The following KCNK3 variants were observed in gnomAD, a reference collection of about 807,000 sequenced individuals.
KCNK3 encodes potassium two pore domain channel subfamily K member 3.
Under a neutral mutation model 27.3 loss-of-function variants are expected in KCNK3, and 9 were observed. That is an observed-to-expected ratio of 0.33 (90% CI 0.20 to 0.57). The LOEUF is 0.57. Among genes scored for constraint, KCNK3 ranks in the 20% least tolerant of loss-of-function variants. The pLI is 0.87. For missense variants in KCNK3, 391 were observed against 577.7 expected, an observed-to-expected ratio of 0.68 and a Z score of 3.31; for synonymous variants, 278 against 273.8, an observed-to-expected ratio of 1.02 and a Z score of -0.15.
At position 26,692,755 on chromosome 2, in the gene KCNK3, C is replaced by G. The variant is rs974794848; in HGVS notation, c.-121C>G. The G allele has an allele frequency of 6.4e-6, 3 of 467,552 alleles. No individual in the cohort carries two copies. Among genetic ancestry groups the G allele is most frequent in the African/African-American group, 4.3e-5 (2 of 46,764 alleles). 29.0% of individuals were successfully genotyped at this position (467,552 alleles called of 1,614,324 possible). A position where few individuals can be genotyped will look rare whatever the true frequency, so the allele number is the denominator to read the frequency against. Reference sequence around the variant, plus strand: ...CGGCCCCGGGCGCTGAGCGGGTGCCCGGCGCGGAGAGCGGCGAGCGCAGCC... The same window carrying G: ...CGGCCCCGGGCGCTGAGCGGGTGCCGGGCGCGGAGAGCGGCGAGCGCAGCC... On this transcript the variant is annotated 5_prime_UTR_variant, in exon 1 of 2. Transcript: ENST00000302909. The surrounding 1 kb of genome is among the most constrained non-coding windows in gnomAD (Gnocchi z 5.6).
chr2:26,699,207 G>A (rs200465340), intron 1 of KCNK3, among the ~76,000 whole-genome samples: 10 of 130,966 alleles, frequency 7.6e-5, no homozygotes, highest in Non-Finnish European at 1.1e-4. Flanking sequence ...AGGAAAGAGA[G>A]AGAAAGAAAG....
chr2:26,705,723 GC>G (rs1670364466), intron 1 of KCNK3, among the ~76,000 whole-genome samples: 1 of 152,160 alleles, frequency 6.6e-6, no homozygotes, highest in Non-Finnish European at 1.5e-5. Flanking sequence ...TTGGTTCCCG[GC>G]CTTTGTCCAC....
chr2:26,710,475 C>T (rs1246633794), intron 1 of KCNK3, among the ~76,000 whole-genome samples: 3 of 152,160 alleles, frequency 2.0e-5, no homozygotes, highest in African/African-American at 7.2e-5. Flanking sequence ...CCACCACTCA[C>T]ACACAGGCTT....
chr2:26,699,249 G>GC (rs879860384), intron 1 of KCNK3, among the ~76,000 whole-genome samples: 2,370 of 147,474 alleles, frequency 0.016, 42 homozygotes, highest in African/African-American at 0.053. Context: ...AAGAAAGAAA[G>GC]AAAGCCAGCC....
Position 26,692,899 on chromosome 2 carries a change from G to C in KCNK3, c.24G>C (p.Thr8=), listed in dbSNP as rs535800063. The C allele has an allele frequency of 2.0e-5, 29 of 1,483,052 alleles. 1 individual carries two copies. The South Asian group carries it at 3.5e-4, about 18-fold the overall frequency. 91.9% of individuals were successfully genotyped at this position (1,483,052 alleles called of 1,614,324 possible). A position where few individuals can be genotyped will look rare whatever the true frequency, so the allele number is the denominator to read the frequency against. The part of the protein sequence containing the change: MKRQNVR[T]LALIVCTFTY... Reference sequence around the variant, plus strand: ...CGATGAAGCGGCAGAACGTGCGCACGCTGGCGCTCATCGTGTGCACCTTCA... The same window carrying C: ...CGATGAAGCGGCAGAACGTGCGCACCCTGGCGCTCATCGTGTGCACCTTCA... The change falls in exon 1 of 2, where the codon ACG becomes ACC. Residue 8 remains threonine (T), a synonymous_variant. Coordinates refer to ENST00000302909, the MANE Select transcript of KCNK3 (RefSeq NM_002246.3). The surrounding 1 kb of genome is among the most constrained non-coding windows in gnomAD (Gnocchi z 5.6).
intron 1 of KCNK3, among the ~76,000 whole-genome samples, chr2:26,703,966 G>T (rs558584758): frequency 4.6e-5 from 7 of 152,274 alleles, no homozygotes; most frequent in African/African-American, 1.7e-4. Flanking sequence ...GACTTGAGTG[G>T]ACAAGCACTG....
At chr2:26,726,102 CACACAGAGAG>C (rs36229202) in intron 1 of KCNK3, among the ~76,000 whole-genome samples, 37,850 of 135,416 alleles carry the variant, frequency 0.28, 5,771 homozygotes, top group East Asian at 0.52. Context: ...CACACACACA[CACACAGAGAG>C]AGAGAGAGAG....
In KCNK3 at chr2:26,733,214, A is replaced by G. The variant is rs539069538; in HGVS notation, c.*4646A>G. ...GCTGATTTGGTTACTCGGGGTGAGC[A>G]TCAGATGGAAATAGAAGTTTCCGGG... On this transcript the variant is annotated 3_prime_UTR_variant, in exon 2 of 2. Transcript: ENST00000302909. 2 of 152,340 alleles carry G rather than the reference A, an allele frequency of 1.3e-5. No homozygotes were observed. The highest frequency in any genetic ancestry group is 3.9e-4 in the East Asian group (2 of 5,194). 9.4% of individuals were successfully genotyped at this position (152,340 alleles called of 1,614,324 possible). A position where few individuals can be genotyped will look rare whatever the true frequency, so the allele number is the denominator to read the frequency against.
chr2:26,703,786 GGTCTGAGAAGGT>G (rs1558596566), intron 1 of KCNK3, among the ~76,000 whole-genome samples: 1 of 152,210 alleles, frequency 6.6e-6, no homozygotes, highest in East Asian at 1.9e-4. Context: ...CCCAAAGAAG[GGTCTGAGAAGGT>G]GTCCAGGGGT....
chr2:26,719,976 T>TG (rs1663298561), intron 1 of KCNK3, among the ~76,000 whole-genome samples: 1 of 151,864 alleles, frequency 6.6e-6, no homozygotes, highest in Admixed American at 6.6e-5. Context: ...ATAAAATGAG[T>TG]GGGGGGAAGG....
chr2:26,692,953 C>A lies in KCNK3; in HGVS notation c.78C>A (p.Phe26Leu). ...ACCTGCTGGTGGGCGCCGCGGTCTT[C>A]GACGCGCTGGAGTCGGAGCCCGAGC... ...FTYLLVGAAV[F>L]DALESEPELI... The change falls in exon 1 of 2, where the codon TTC becomes TTA. Residue 26 changes from phenylalanine to leucine, a missense_variant. Transcript: ENST00000302909. This position sits in a 1 kb window ranked among gnomAD's most constrained non-coding sequence, Gnocchi z 5.6. 6.4e-7 allele frequency: 1 copy of A among 1,557,138 alleles called. No homozygotes were observed.
At chr2:26,714,108 A>G (rs1663181873) in intron 1 of KCNK3, among the ~76,000 whole-genome samples, 1 of 152,004 alleles carries the variant, frequency 6.6e-6, no homozygotes, top group African/African-American at 2.4e-5. Flanking sequence ...AAAGAAAGAA[A>G]CATGTATGTG....
At position 26,721,142 on chromosome 2, in the gene KCNK3, G is replaced by T. The variant is rs192817568; in HGVS notation, c.284-6525G>T. ...GAGTCCTTCAGAACTGGAGCCTCTG[G>T]GTTCTGCAGCCCTCCCACCCCAGGC... On this transcript the variant is annotated intron_variant, in intron 1 of 1. Transcript: ENST00000302909. This position sits in a 1 kb window ranked among gnomAD's most constrained non-coding sequence, Gnocchi z 4.3. Among the ~76,000 whole-genome samples the T allele has an allele frequency of 1.3e-5, 2 of 152,226 alleles. No individual in the cohort carries two copies. The highest frequency in any genetic ancestry group is 1.3e-4 in the Admixed American group (2 of 15,294).
intron 1 of KCNK3, among the ~76,000 whole-genome samples, chr2:26,722,374 A>G (rs1663342754): frequency 6.6e-6 from 1 of 152,244 alleles, no homozygotes; most frequent in South Asian, 2.1e-4. Context: ...TCCCCAAAAT[A>G]TTCATATTAA....
rs955947118 is a variant in KCNK3, at chr2:26,721,999, G to T, written c.284-5668G>T. Reference sequence around the variant, plus strand: ...GAGACCTGGGGGAAGGACCTCAGAGGTTCTTGATACTGCACAGGAGCGTTT... The same window carrying T: ...GAGACCTGGGGGAAGGACCTCAGAGTTTCTTGATACTGCACAGGAGCGTTT... On this transcript the variant is annotated intron_variant, in intron 1 of 1. Coordinates refer to ENST00000302909, the MANE Select transcript of KCNK3 (RefSeq NM_002246.3). The surrounding 1 kb of genome is among the most constrained non-coding windows in gnomAD (Gnocchi z 4.3). Among the ~76,000 whole-genome samples the T allele has an allele frequency of 6.6e-6, 1 of 152,208 alleles. No homozygotes were observed. Among genetic ancestry groups the T allele is most frequent in the Non-Finnish European group, 1.5e-5 (1 of 68,046 alleles).
rs1375450939 is a variant in KCNK3, at chr2:26,731,049, T to C, written c.*2481T>C. The C allele has an allele frequency of 6.6e-6, 1 of 152,268 alleles. No individual in the cohort carries two copies. Among genetic ancestry groups the C allele is most frequent in the Non-Finnish European group, 1.5e-5 (1 of 68,092 alleles). 9.4% of individuals were successfully genotyped at this position (152,268 alleles called of 1,614,324 possible). On this transcript the variant is annotated 3_prime_UTR_variant, in exon 2 of 2. Transcript: ENST00000302909. Reference sequence around the variant, plus strand: ...ACTGCCACAGAATATGCAATATGTGTGGGTGACCATGCCCTCACGACCACA... The same window carrying C: ...ACTGCCACAGAATATGCAATATGTGCGGGTGACCATGCCCTCACGACCACA...
At chr2:26,727,586 G>A (rs866511611) in intron 1 of KCNK3, 81 bp from the exon 2 acceptor site, 28 of 1,507,440 alleles carry the variant, frequency 1.9e-5, no homozygotes, top group Middle Eastern at 5.0e-4. Flanking sequence ...AGGTGGCGGG[G>A]CAACGGGGAG....
chr2:26,701,006 A>G (rs1670301143), intron 1 of KCNK3, among the ~76,000 whole-genome samples: 1 of 152,178 alleles, frequency 6.6e-6, no homozygotes, highest in South Asian at 2.1e-4. Context: ...TCTGGTGTAA[A>G]TGCAGATTCT....
chr2:26,716,234 G>C (rs996677366), intron 1 of KCNK3, among the ~76,000 whole-genome samples: 1 of 152,122 alleles, frequency 6.6e-6, no homozygotes, highest in East Asian at 1.9e-4. Flanking sequence ...CTCTCTCTCT[G>C]AGCCTCAGGT....
Sources: gnomAD v4.1 joint callset for allele counts (sites outside exome capture counted in the v4.1 genomes callset) on GRCh38, gnomAD v4.1.1 for gene constraint, Gnocchi (gnomAD v3.1) non-coding constraint, MANE v1.5 for transcripts, NCBI Gene and HGNC (gene_info 2026-07-23, HGNC 2026-07-21) for gene names.